The following NPEPPS variants were observed in gnomAD, a reference collection of about 807,000 sequenced individuals.
The protein encoded by NPEPPS is aminopeptidase puromycin sensitive.
In NPEPPS, 14 loss-of-function variants were observed where a neutral mutation model predicts 115.5. That is an observed-to-expected ratio of 0.12 (90% CI 0.08 to 0.19). NPEPPS has a LOEUF of 0.19. Ranked by LOEUF, NPEPPS falls within the 10% of genes least tolerant of loss-of-function variation. NPEPPS has a pLI of 1.00. For missense variants in NPEPPS, 523 were observed against 1,110.8 expected, an observed-to-expected ratio of 0.47 and a Z score of 7.52; for synonymous variants, 285 against 390.6, an observed-to-expected ratio of 0.73 and a Z score of 3.19.
intron 16 of NPEPPS, chr17:47,604,265 C>G (rs923544542): frequency 1.0e-5 from 4 of 395,070 alleles, no homozygotes; most frequent in African/African-American, 6.1e-5. Context: ...TTCTGAAACT[C>G]TTAATTAAAC....
chr17:47,611,981 G>C (rs576624224), intron 17 of NPEPPS, among the ~76,000 whole-genome samples: 2 of 152,272 alleles, frequency 1.3e-5, no homozygotes, highest in South Asian at 4.1e-4. Context: ...AATGACTAAT[G>C]TGTTAAACAT....
chr17:47,581,416 A>G (rs1319462896), intron 4 of NPEPPS: 1 of 152,140 alleles, frequency 6.6e-6, no homozygotes, highest in East Asian at 1.9e-4. Context: ...GTTTAGCTCT[A>G]GTATCTGTCT....
At chr17:47,611,523 A>C (rs996460222) in intron 17 of NPEPPS, among the ~76,000 whole-genome samples, 23 of 151,166 alleles carry the variant, frequency 1.5e-4, no homozygotes, top group Non-Finnish European at 2.6e-4. Flanking sequence ...TAGTGTGATC[A>C]TAGCTCACTA....
At chr17:47,546,297 G>A (rs186043643) in intron 2 of NPEPPS, among the ~76,000 whole-genome samples, 1 of 151,966 alleles carries the variant, frequency 6.6e-6, no homozygotes, top group Non-Finnish European at 1.5e-5. Flanking sequence ...ATAGTGGTGC[G>A]TGCCTGTAGT....
intron 2 of NPEPPS, among the ~76,000 whole-genome samples, chr17:47,562,280 C>T (rs1910481158): frequency 6.6e-6 from 1 of 152,160 alleles, no homozygotes. Flanking sequence ...GAAGTGGGGG[C>T]AGTCTTGTGA....
At chr17:47,567,013 A>G (rs1020325070) in intron 2 of NPEPPS, among the ~76,000 whole-genome samples, 1 of 152,118 alleles carries the variant, frequency 6.6e-6, no homozygotes, top group Non-Finnish European at 1.5e-5. Flanking sequence ...CCTGATGGGA[A>G]AGGTAGCAGT....
chr17:47,613,824 G>C, intron 19 of NPEPPS, 99 bp downstream of exon 19: 1 of 838,592 alleles, frequency 1.2e-6, no homozygotes. Context: ...TCCTAGAAAA[G>C]AAAGATGCAT....
At chr17:47,599,763 A>G (rs1261276980) in intron 14 of NPEPPS, 24 bp downstream of exon 14, 4 of 1,527,750 alleles carry the variant, frequency 2.6e-6, no homozygotes, top group Admixed American at 2.0e-5. Flanking sequence ...TGTAAGTGAG[A>G]TATGATTGAT....
At chr17:47,549,780 C>CA (rs34434179) in intron 2 of NPEPPS, among the ~76,000 whole-genome samples, 1,301 of 42,708 alleles carry the variant, frequency 0.03, 64 homozygotes, top group Non-Finnish European at 0.042. Flanking sequence ...GACTCTGTCT[C>CA]AAAAAAAAAA....
intron 19 of NPEPPS, among the ~76,000 whole-genome samples, chr17:47,617,610 A>G (rs1381870463): frequency 8.7e-6 from 1 of 114,448 alleles, no homozygotes; most frequent in African/African-American, 2.7e-5. Flanking sequence ...ATGCATTTTT[A>G]TAAGTACAGT....
chr17:47,533,162 T>C (rs202185943), intron 1 of NPEPPS, among the ~76,000 whole-genome samples: 11 of 152,246 alleles, frequency 7.2e-5, no homozygotes, highest in Non-Finnish European at 1.5e-4. Context: ...TCTATACTTA[T>C]CTGTGATAGA....
intron 19 of NPEPPS, among the ~76,000 whole-genome samples, chr17:47,616,537 C>T (rs1039579502): frequency 5.3e-5 from 8 of 151,562 alleles, no homozygotes; most frequent in East Asian, 1.9e-4. Flanking sequence ...TACAAAAATT[C>T]GCCGGGTGTG....
intron 2 of NPEPPS, among the ~76,000 whole-genome samples, chr17:47,566,794 G>A (rs1910846785): frequency 6.6e-6 from 1 of 152,074 alleles, no homozygotes; most frequent in Non-Finnish European, 1.5e-5. Flanking sequence ...TAGGAGCTAG[G>A]CCAGGCATGG....
intron 2 of NPEPPS, among the ~76,000 whole-genome samples, chr17:47,565,293 G>T (rs990539380): frequency 2.0e-5 from 3 of 152,038 alleles, no homozygotes; most frequent in African/African-American, 7.2e-5. Context: ...GGTGGATCAT[G>T]AGGTCAAGAG....
intron 19 of NPEPPS, among the ~76,000 whole-genome samples, chr17:47,615,945 T>G (rs756300393): frequency 6.6e-6 from 1 of 152,230 alleles, no homozygotes; most frequent in Non-Finnish European, 1.5e-5. Flanking sequence ...GATGGTAATT[T>G]AGGAATAATG....
At position 47,621,884 on chromosome 17, in the gene NPEPPS, C is replaced by T. The variant is rs1342400192; in HGVS notation, c.2724C>T (p.Tyr908=). ...LKRDAESIHQ[Y]LLQRKASPPT... ...GAGATGCTGAGAGCATCCACCAGTA[C>T]CTCCTTCAGCGGAAGGCCTCACCAC... Residue 908 remains tyrosine (Y), a synonymous_variant, in exon 23 of 23, where the codon TAC becomes TAT. Coordinates refer to ENST00000322157, the MANE Select transcript of NPEPPS (RefSeq NM_006310.4). 4.3e-6 allele frequency: 7 copies of T among 1,613,542 alleles called. No homozygotes were observed. Among genetic ancestry groups the T allele is most frequent in the African/African-American group, 1.3e-5 (1 of 75,032 alleles).
At chr17:47,544,502 GTATTTATTTATTTATT>G (rs61518431) in intron 1 of NPEPPS, among the ~76,000 whole-genome samples, 2,310 of 141,566 alleles carry the variant, frequency 0.016, 29 homozygotes, top group Middle Eastern at 0.04. Context: ...GAAATTAAAC[GTATTTATTTATTTATT>G]TATTTATTTA....
intron 17 of NPEPPS, among the ~76,000 whole-genome samples, chr17:47,606,293 T>C (rs560860013): frequency 2.6e-4 from 40 of 152,330 alleles, no homozygotes; most frequent in African/African-American, 8.4e-4. Flanking sequence ...ATATTTACTC[T>C]TTTTGCTCTC....
At chr17:47,538,183 G>A (rs1433231785) in intron 1 of NPEPPS, among the ~76,000 whole-genome samples, 22 of 139,566 alleles carry the variant, frequency 1.6e-4, no homozygotes, top group Admixed American at 4.6e-4. Flanking sequence ...GTGAGCCACC[G>A]CGCCTAGCCA....
Sources: allele counts gnomAD v4.1 joint callset (sites outside exome capture counted in the v4.1 genomes callset), GRCh38; gene constraint gnomAD v4.1.1; transcripts MANE v1.5; gene names NCBI Gene and HGNC (gene_info 2026-07-23, HGNC 2026-07-21).